The following PHF20 variants were observed in gnomAD, a reference collection of about 807,000 sequenced individuals.
The protein encoded by PHF20 is glioma-expressed antigen 2.
PHF20 carries 23 observed loss-of-function variants against 113.5 expected under a neutral mutation model. That is an observed-to-expected ratio of 0.20 (90% CI 0.15 to 0.29). The LOEUF (loss-of-function observed/expected upper bound fraction) is 0.29. Ranked by LOEUF, PHF20 falls within the 10% of genes least tolerant of loss-of-function variation. PHF20 has a pLI of 1.00. For missense variants in PHF20, 943 were observed against 1,219.6 expected, an observed-to-expected ratio of 0.77 and a Z score of 3.38; for synonymous variants, 434 against 457.3, an observed-to-expected ratio of 0.95 and a Z score of 0.65.
At chr20:35,881,673 C>G (rs1261492127) in intron 9 of PHF20, among the ~76,000 whole-genome samples, 1 of 152,178 alleles carries the variant, frequency 6.6e-6, no homozygotes, top group African/African-American at 2.4e-5. Context: ...GCCTTTCACC[C>G]CATTTATGGC....
intron 2 of PHF20, among the ~76,000 whole-genome samples, chr20:35,823,632 C>CAAA (rs34177764): frequency 1.7e-4 from 9 of 53,626 alleles, no homozygotes; most frequent in African/African-American, 2.5e-4. Context: ...GACCCTGTCT[C>CAAA]AAAAAAAAAA....
intron 1 of PHF20, among the ~76,000 whole-genome samples, chr20:35,785,913 T>A (rs937771837): frequency 2.6e-5 from 4 of 150,978 alleles, no homozygotes; most frequent in African/African-American, 4.9e-5. Flanking sequence ...GTGCCTGTCA[T>A]CTCAGCTACT....
intron 2 of PHF20, among the ~76,000 whole-genome samples, chr20:35,834,037 G>A (rs2042397546): frequency 1.3e-5 from 2 of 151,858 alleles, no homozygotes; most frequent in Middle Eastern, 3.4e-3. Flanking sequence ...CAGCCTGGGC[G>A]ACAGAGTGAG....
At chr20:35,798,678 T>C (rs1365307690) in intron 1 of PHF20, among the ~76,000 whole-genome samples, 3 of 152,100 alleles carry the variant, frequency 2.0e-5, no homozygotes, top group Admixed American at 6.6e-5. Context: ...GGTCTCAAAC[T>C]CCTGACCTCA....
chr20:35,873,627 ATC>A, intron 9 of PHF20, among the ~76,000 whole-genome samples: 1 of 150,824 alleles, frequency 6.6e-6, no homozygotes, highest in East Asian at 1.9e-4. Context: ...CACCACCACA[ATC>A]GGCTAATTTT....
intron 16 of PHF20, among the ~76,000 whole-genome samples, chr20:35,940,579 G>A (rs1402173543): frequency 2.6e-5 from 4 of 152,156 alleles, no homozygotes; most frequent in Non-Finnish European, 5.9e-5. Context: ...CACCTCTCAG[G>A]GCTCTGGAAG....
chr20:35,817,987 T>G (rs1419685746), intron 2 of PHF20, among the ~76,000 whole-genome samples: 1 of 151,296 alleles, frequency 6.6e-6, no homozygotes, highest in Non-Finnish European at 1.5e-5. Context: ...AAGTATAAAT[T>G]TAATTATAAT....
In PHF20 at chr20:35,902,032, G is replaced by A. The variant is rs62211754; in HGVS notation, c.1561+2384G>A. On this transcript the variant is annotated intron_variant, in intron 10 of 17. Transcript: ENST00000374012. The stretch of plus-strand genomic sequence containing the variant: ...TAAGCCTGTTTCAAGGCCTGGTGTG[G>A]GGAAGTGGATTTCCTTCTTCCCCTT... Among the ~76,000 whole-genome samples, 3 of 152,094 alleles carry A rather than the reference G, an allele frequency of 2.0e-5. No individual in the cohort carries two copies. The South Asian group carries it at 6.2e-4, about 32-fold the overall frequency.
chr20:35,856,035 A>G (rs1011058919), intron 4 of PHF20, among the ~76,000 whole-genome samples: 1 of 151,994 alleles, frequency 6.6e-6, no homozygotes, highest in Admixed American at 6.6e-5. Context: ...TGTGCTAGCA[A>G]ATACTAGATC....
intron 9 of PHF20, among the ~76,000 whole-genome samples, chr20:35,896,042 T>C (rs2054975858): frequency 6.6e-6 from 1 of 151,888 alleles, no homozygotes. Context: ...ATATCTCTTG[T>C]TATAGGTAGA....
chr20:35,858,253 C>A, intron 4 of PHF20, 49 bp from the exon 5 acceptor site: 1 of 1,007,998 alleles, frequency 9.9e-7, no homozygotes, highest in Non-Finnish European at 1.6e-6. Context: ...AAAGTTACCA[C>A]TTTTCATGAA....
At chr20:35,929,135 G>C (rs987698314) in intron 14 of PHF20, among the ~76,000 whole-genome samples, 2 of 152,160 alleles carry the variant, frequency 1.3e-5, no homozygotes, top group Admixed American at 6.5e-5. Flanking sequence ...AGGTGGGCCT[G>C]GTTCTCCTAC....
intron 10 of PHF20, among the ~76,000 whole-genome samples, chr20:35,906,960 A>G (rs984313232): frequency 3.3e-5 from 5 of 152,064 alleles, no homozygotes; most frequent in African/African-American, 1.2e-4. Context: ...GAAGGTAGAC[A>G]TGGTGAAATG....
chr20:35,809,919 A>T (rs1357282439), intron 2 of PHF20, among the ~76,000 whole-genome samples: 1 of 152,030 alleles, frequency 6.6e-6, no homozygotes, highest in East Asian at 1.9e-4. Context: ...AACCAAGGAC[A>T]GTTTGTTTGT....
chr20:35,837,733 GA>G (rs1234974449), intron 2 of PHF20, among the ~76,000 whole-genome samples: 1 of 152,218 alleles, frequency 6.6e-6, no homozygotes, highest in Non-Finnish European at 1.5e-5. Flanking sequence ...TCCCTTCCAA[GA>G]CTTAGAATTG....
At chr20:35,810,804 A>T (rs2041963412) in intron 2 of PHF20, among the ~76,000 whole-genome samples, 1 of 152,208 alleles carries the variant, frequency 6.6e-6, no homozygotes, top group African/African-American at 2.4e-5. Context: ...CTGGACATTT[A>T]ATTGTTTGGT....
At chr20:35,781,135 C>G (rs1044060797) in intron 1 of PHF20, among the ~76,000 whole-genome samples, 1 of 151,390 alleles carries the variant, frequency 6.6e-6, no homozygotes, top group Admixed American at 6.6e-5. Context: ...CAGGCGTGAG[C>G]AAGATTTTAT....
chr20:35,900,870 T>G (rs932579687), intron 10 of PHF20, among the ~76,000 whole-genome samples: 77 of 152,040 alleles, frequency 5.1e-4, no homozygotes, highest in South Asian at 2.1e-4. Flanking sequence ...CATAAACTCA[T>G]GCAGATTGTA....
intron 12 of PHF20, among the ~76,000 whole-genome samples, chr20:35,915,313 C>T (rs2055383616): frequency 6.7e-6 from 1 of 150,214 alleles, no homozygotes; most frequent in African/African-American, 2.4e-5. Context: ...TTTGAGCCCT[C>T]TTGAGAAAGG....
Sources: allele counts gnomAD v4.1 joint callset (sites outside exome capture counted in the v4.1 genomes callset), GRCh38; gene constraint gnomAD v4.1.1; transcripts MANE v1.5; gene names NCBI Gene and HGNC (gene_info 2026-07-23, HGNC 2026-07-21).